Variants in ACTR3C observed in about 807,000 individuals in gnomAD.
ACTR3C encodes actin-related protein 3C.
In ACTR3C, 18 loss-of-function variants were observed where a neutral mutation model predicts 26.3. The observed-to-expected ratio is 0.68, with a 90% confidence interval of 0.47 to 1.01. The LOEUF (loss-of-function observed/expected upper bound fraction) is 1.01. Ranked by LOEUF, ACTR3C falls within the 50% of genes least tolerant of loss-of-function variation. The probability of loss-of-function intolerance (pLI) is 0.00; values close to 1 mark genes in which losing one functional copy is unlikely to be tolerated. For synonymous variants in ACTR3C, 55 were observed against 94.5 expected, an observed-to-expected ratio of 0.58 and a Z score of 2.42; for missense variants, 184 against 250.7, an observed-to-expected ratio of 0.73 and a Z score of 1.80.
chr7:150,025,864 G>T, the ACTR3C span, among the ~76,000 whole-genome samples: 1 of 151,764 alleles, frequency 6.6e-6, no homozygotes, highest in African/African-American at 2.4e-5. Flanking sequence ...GAAGGATAAA[G>T]ATGTGACATT....
At chr7:149,954,478 A>G in the ACTR3C span, among the ~76,000 whole-genome samples, 1 of 152,182 alleles carries the variant, frequency 6.6e-6, no homozygotes, top group South Asian at 2.1e-4. Context: ...GTAAACATGG[A>G]ACTGTGTTTA....
the ACTR3C span, among the ~76,000 whole-genome samples, chr7:150,036,719 C>T: frequency 7.5e-6 from 1 of 133,772 alleles, no homozygotes; most frequent in East Asian, 2.0e-4. Context: ...CGAGCTGGAG[C>T]TGCGTTCGGA....
chr7:150,210,337 C>T, the ACTR3C span, among the ~76,000 whole-genome samples: 1 of 150,822 alleles, frequency 6.6e-6, no homozygotes, highest in Admixed American at 6.6e-5. Flanking sequence ...TGAACATATG[C>T]CTACTGTATG....
the ACTR3C span, among the ~76,000 whole-genome samples, chr7:150,025,505 C>T: frequency 7.5e-6 from 1 of 134,058 alleles, no homozygotes; most frequent in East Asian, 2.3e-4. Context: ...AAGACGAAAG[C>T]CCCCTCTCTT....
At chr7:149,903,330 A>G in the ACTR3C span, among the ~76,000 whole-genome samples, 3 of 152,102 alleles carry the variant, frequency 2.0e-5, no homozygotes, top group Non-Finnish European at 4.4e-5. Context: ...AATAGTCTGC[A>G]TAGAAAACTT....
chr7:149,980,380 A>C, the ACTR3C span, among the ~76,000 whole-genome samples: 2 of 152,234 alleles, frequency 1.3e-5, no homozygotes, highest in Non-Finnish European at 2.9e-5. Flanking sequence ...ATCACAAATG[A>C]ACTGCTGCAA....
chr7:150,226,161 C>T, the ACTR3C span, among the ~76,000 whole-genome samples: 2 of 152,162 alleles, frequency 1.3e-5, no homozygotes, highest in Admixed American at 1.3e-4. Context: ...TAAACTTTTG[C>T]ATGTAGATTT....
the ACTR3C span, among the ~76,000 whole-genome samples, chr7:149,896,034 C>A: frequency 8.0e-3 from 660 of 82,854 alleles, no homozygotes; most frequent in East Asian, 0.012. Flanking sequence ...CCTGTCTCTA[C>A]AAAAAAAAAA....
At chr7:150,079,937 C>A in the ACTR3C span, among the ~76,000 whole-genome samples, 2 of 152,182 alleles carry the variant, frequency 1.3e-5, no homozygotes, top group Non-Finnish European at 2.9e-5. Context: ...GGCTGGAGGT[C>A]ATCTCCACAG....
intron 1 of ACTR3C, among the ~76,000 whole-genome samples, chr7:150,302,155 C>A (rs1324052489): frequency 6.6e-6 from 1 of 152,176 alleles, no homozygotes; most frequent in Non-Finnish European, 1.5e-5. Context: ...GGAAATACAA[C>A]TAACTAATGT....
At chr7:150,034,071 G>A in the ACTR3C span, among the ~76,000 whole-genome samples, 4 of 151,420 alleles carry the variant, frequency 2.6e-5, no homozygotes, top group Non-Finnish European at 3.0e-5. Flanking sequence ...CCCGCCTCGC[G>A]GGGGGTGCCT....
the ACTR3C span, among the ~76,000 whole-genome samples, chr7:150,194,600 C>A: frequency 6.6e-6 from 1 of 152,056 alleles, no homozygotes; most frequent in Non-Finnish European, 1.5e-5. Context: ...AATCTACCAT[C>A]CTCCTAGCTC....
At chr7:150,139,397 T>C in the ACTR3C span, among the ~76,000 whole-genome samples, 2 of 152,244 alleles carry the variant, frequency 1.3e-5, no homozygotes, top group East Asian at 3.8e-4. Context: ...ATCTACCAAC[T>C]TCTCACAGGA....
At chr7:150,161,910 G>A in the ACTR3C span, among the ~76,000 whole-genome samples, 1 of 151,602 alleles carries the variant, frequency 6.6e-6, no homozygotes, top group African/African-American at 2.4e-5. Context: ...GGGGCCCTTG[G>A]ACTAACAATA....
the ACTR3C span, among the ~76,000 whole-genome samples, chr7:150,085,809 C>T: frequency 6.6e-6 from 1 of 152,036 alleles, no homozygotes; most frequent in Non-Finnish European, 1.5e-5. Context: ...ACTGCTTTAT[C>T]CCAATTCTTT....
At chr7:150,266,564 GAA>G (rs899907669) in intron 6 of ACTR3C, among the ~76,000 whole-genome samples, 1 of 151,778 alleles carries the variant, frequency 6.6e-6, no homozygotes, top group Non-Finnish European at 1.5e-5. Context: ...AACCATAAAA[GAA>G]AAAAGTTTAT....
At chr7:150,302,896 C>T (rs867995278) in intron 1 of ACTR3C, 13 of 152,372 alleles carry the variant, frequency 8.5e-5, no homozygotes, top group African/African-American at 3.1e-4. Flanking sequence ...CCACAGCTTC[C>T]TCCTGGCCAG....
the ACTR3C span, among the ~76,000 whole-genome samples, chr7:150,201,795 C>T: frequency 6.6e-6 from 1 of 150,472 alleles, no homozygotes; most frequent in East Asian, 1.9e-4. Context: ...AGTTGGGTAA[C>T]ACATAAGTTT....
chr7:149,955,240 A>C, the ACTR3C span, among the ~76,000 whole-genome samples: 1 of 152,376 alleles, frequency 6.6e-6, no homozygotes, highest in Non-Finnish European at 1.5e-5. Flanking sequence ...TTCAAGTTTA[A>C]AAAGGTCCCT....
Sources: allele counts gnomAD v4.1 joint callset (sites outside exome capture counted in the v4.1 genomes callset), GRCh38; gene constraint gnomAD v4.1.1; transcripts MANE v1.5; gene names NCBI Gene and HGNC (gene_info 2026-07-23, HGNC 2026-07-21).